BEST3: variants seen among roughly 807,000 people sequenced by gnomAD.
BEST3 encodes bestrophin 3, also known as bestrophin-3.
Under a neutral mutation model 47.1 loss-of-function variants are expected in BEST3, and 50 were observed. The observed-to-expected ratio is 1.06, with a 90% CI of 0.85 to 1.34. BEST3 has a LOEUF of 1.34. BEST3 is among the 40% of genes most tolerant of loss of function. BEST3 has a pLI of 0.00. For synonymous variants in BEST3, 282 were observed against 298.8 expected, an observed-to-expected ratio of 0.94 and a Z score of 0.58; for missense variants, 765 against 817.0, an observed-to-expected ratio of 0.94 and a Z score of 0.78.
chr12:69,654,714 G>A lies in BEST3; in HGVS notation c.*193C>T, dbSNP rs76321607. On this transcript the variant is annotated 3_prime_UTR_variant, in exon 10 of 10. Coordinates refer to ENST00000330891, the MANE Select transcript of BEST3 (RefSeq NM_032735.3). ...TGAAAGCCATGTTGTGTTGGATGACGTGAATGCGTTTGATTTTTCGCAGCT... is the reference window on the plus strand; with the variant it reads ...TGAAAGCCATGTTGTGTTGGATGACATGAATGCGTTTGATTTTTCGCAGCT... 5.6e-4 allele frequency: 755 copies of A among 1,341,070 alleles called. 6 individuals carry two copies. In the African/African-American group the frequency reaches 9.5e-3, roughly 17 times the overall value. 83.1% of individuals were successfully genotyped at this position (1,341,070 alleles called of 1,614,324 possible).
At position 69,670,510 on chromosome 12, in the gene BEST3, T is replaced by C; in HGVS notation, c.1100+918A>G. ...CTCAGAGGCCCCTTTGGAAGAGAAGTGCCACAAACCATCACTGATGGGGAT... is the reference window on the plus strand; with the variant it reads ...CTCAGAGGCCCCTTTGGAAGAGAAGCGCCACAAACCATCACTGATGGGGAT... On this transcript the variant is annotated intron_variant, in intron 9 of 9. Coordinates refer to ENST00000330891, the MANE Select transcript of BEST3 (RefSeq NM_032735.3). 5.7e-6 allele frequency: 4 copies of C among 702,860 alleles called. No homozygotes were observed. In the South Asian group the frequency reaches 5.9e-5, roughly 10 times the overall value. The allele number at this position is 702,860 out of a possible 1,614,324, so 43.5% of individuals were successfully genotyped here. A position where few individuals can be genotyped will look rare whatever the true frequency, so the allele number is the denominator to read the frequency against.
chr12:69,678,656 C>A, intron 5 of BEST3, 83 bp downstream of exon 5: 1 of 1,360,272 alleles, frequency 7.4e-7, no homozygotes, highest in South Asian at 1.3e-5. Context: ...ACAAAGCTGA[C>A]TCTTCCTGGT....
chr12:69,687,747 C>G (rs1238688499), intron 4 of BEST3, among the ~76,000 whole-genome samples: 2 of 151,528 alleles, frequency 1.3e-5, no homozygotes, highest in East Asian at 1.9e-4. Context: ...TATAACTACT[C>G]TTATGAACTA....
chr12:69,652,936 G>T (rs967754353), downstream of BEST3, among the ~76,000 whole-genome samples: 1 of 152,176 alleles, frequency 6.6e-6, no homozygotes, highest in Non-Finnish European at 1.5e-5. Context: ...GAATAACGGG[G>T]CTTTCCCAGA....
exon 10 of BEST3, chr12:69,643,683 T>A: frequency 1.5e-6 from 1 of 681,780 alleles, no homozygotes; most frequent in East Asian, 2.8e-5. Context: ...GATTCGAGTG[T>A]TGTACCTTTA....
intron 9 of BEST3, among the ~76,000 whole-genome samples, chr12:69,663,240 A>C (rs1883975458): frequency 6.6e-6 from 1 of 152,196 alleles, no homozygotes; most frequent in Non-Finnish European, 1.5e-5. Flanking sequence ...ACTCTACCTC[A>C]AGCCAGTTGT....
intron 7 of BEST3, among the ~76,000 whole-genome samples, chr12:69,676,508 A>G (rs79185255): frequency 0.081 from 12,254 of 152,198 alleles, 696 homozygotes; most frequent in East Asian, 0.23. Flanking sequence ...AGAGTTGAGC[A>G]GAACCAAGAT....
intron 9 of BEST3, among the ~76,000 whole-genome samples, chr12:69,669,106 A>C (rs1884408153): frequency 6.6e-6 from 1 of 152,210 alleles, no homozygotes; most frequent in African/African-American, 2.4e-5. Context: ...AGCTTAAGAA[A>C]GTTTGAATTT....
intron 4 of BEST3, among the ~76,000 whole-genome samples, chr12:69,689,636 A>G (rs1407763866): frequency 1.3e-5 from 2 of 152,146 alleles, no homozygotes; most frequent in Non-Finnish European, 2.9e-5. Flanking sequence ...CACTGAGATA[A>G]TCAGTGATTG....
intron 2 of BEST3, 112 bp from the exon 3 acceptor site, chr12:69,694,576 G>T: frequency 2.0e-6 from 1 of 496,022 alleles, no homozygotes; most frequent in Non-Finnish European, 3.3e-6. Flanking sequence ...ATTTTTGAAG[G>T]ATCAATAATT....
intron 9 of BEST3, among the ~76,000 whole-genome samples, chr12:69,644,192 G>A (rs1461462320): frequency 1.3e-5 from 2 of 152,182 alleles, no homozygotes; most frequent in African/African-American, 4.8e-5. Context: ...TTGCCTCATG[G>A]TTTATGTGCA....
chr12:69,645,793 A>T (rs561256640), intron 9 of BEST3, among the ~76,000 whole-genome samples: 1 of 100,002 alleles, frequency 1.0e-5, no homozygotes, highest in African/African-American at 5.6e-5. Flanking sequence ...AGTACCCAAT[A>T]GTTGTAACCC....
intron 9 of BEST3, among the ~76,000 whole-genome samples, chr12:69,646,217 C>T (rs1412447226): frequency 3.3e-5 from 5 of 152,134 alleles, no homozygotes; most frequent in South Asian, 2.1e-4. Context: ...GGATTACAGG[C>T]GTGAGCCACC....
chr12:69,655,789 G>A lies in BEST3; in HGVS notation c.1125C>T (p.Asp375=), dbSNP rs367607821. Residue 375 remains aspartate (D), a synonymous_variant, in exon 10 of 10, where the codon GAC becomes GAT. Transcript: ENST00000330891. The part of the protein sequence containing the change: ...QMGLSGSDFP[D]EEWLWDYEKH... Reference sequence around the variant, plus strand: ...TCTCATAATCCCACAGCCACTCCTCGTCAGGAAAGTCGGACCCAGACAGCC... The same window carrying A: ...TCTCATAATCCCACAGCCACTCCTCATCAGGAAAGTCGGACCCAGACAGCC... 126 of 1,609,562 alleles carry A rather than the reference G, an allele frequency of 7.8e-5. 1 individual carries two copies. Among genetic ancestry groups the A allele is most frequent in the South Asian group, 6.8e-4 (62 of 90,968 alleles).
chr12:69,684,531 C>G (rs1479247560), intron 4 of BEST3: 1 of 646,904 alleles, frequency 1.5e-6, no homozygotes, highest in Non-Finnish European at 3.0e-6. Context: ...AGTATTCAAA[C>G]GAGGCTCTAT....
downstream of BEST3, among the ~76,000 whole-genome samples, chr12:69,651,868 A>C (rs559260702): frequency 6.6e-6 from 1 of 152,194 alleles, no homozygotes; most frequent in East Asian, 1.9e-4. Context: ...CAAAAACAAG[A>C]GGAGTATTTC....
chr12:69,649,936 C>G (rs1185475043), downstream of BEST3, among the ~76,000 whole-genome samples: 1 of 152,204 alleles, frequency 6.6e-6, no homozygotes, highest in African/African-American at 2.4e-5. Context: ...TGGCAAATGT[C>G]TAAAATTAGA....
intron 9 of BEST3, among the ~76,000 whole-genome samples, chr12:69,659,335 T>C (rs2135924605): frequency 6.6e-6 from 1 of 152,234 alleles, no homozygotes; most frequent in African/African-American, 2.4e-5. Context: ...AAGAACAAAA[T>C]AGTTTAAAAT....
intron 9 of BEST3, among the ~76,000 whole-genome samples, chr12:69,656,088 G>A (rs766824498): frequency 1.3e-5 from 2 of 152,136 alleles, no homozygotes; most frequent in East Asian, 1.9e-4. Context: ...ACTGTGGAAT[G>A]TCTGAAACAC....
Sources: allele counts gnomAD v4.1 joint callset (sites outside exome capture counted in the v4.1 genomes callset), GRCh38; gene constraint gnomAD v4.1.1; transcripts MANE v1.5; gene names NCBI Gene and HGNC (gene_info 2026-07-23, HGNC 2026-07-21).